The following GREB1L variants were observed in gnomAD, a reference collection of about 807,000 sequenced individuals.
GREB1L encodes GREB1-like protein.
A neutral mutation model predicts 200.8 loss-of-function variants in GREB1L; 17 were observed. The observed-to-expected ratio is 0.08, with a 90% CI of 0.06 to 0.13. The LOEUF (loss-of-function observed/expected upper bound fraction) is 0.13. Ranked by LOEUF, GREB1L falls within the 10% of genes least tolerant of loss-of-function variation. The pLI is 1.00. For missense variants in GREB1L, 1,657 were observed against 2,367.7 expected (o/e 0.70, Z 6.23); for synonymous variants, 789 against 893.0 (o/e 0.88, Z 2.08).
At chr18:21,391,513 G>T (rs1055655137) in intron 4 of GREB1L, among the ~76,000 whole-genome samples, 5 of 152,226 alleles carry the variant, frequency 3.3e-5, no homozygotes, top group Non-Finnish European at 7.3e-5. Flanking sequence ...AGGTGTTAAT[G>T]AGGTCAAAGG....
intron 1 of GREB1L, among the ~76,000 whole-genome samples, chr18:21,359,557 T>C (rs1025371314): frequency 1.3e-5 from 2 of 152,220 alleles, no homozygotes; most frequent in Non-Finnish European, 2.9e-5. Flanking sequence ...AGTGATAATA[T>C]ACATTTTATA....
chr18:21,502,422 A>G (rs1265041602), intron 23 of GREB1L, among the ~76,000 whole-genome samples: 1 of 152,088 alleles, frequency 6.6e-6, no homozygotes, highest in East Asian at 1.9e-4. Flanking sequence ...AGCCCTTGGC[A>G]TCATCTACCA....
chr18:21,395,122 A>AT (rs1491410214), intron 4 of GREB1L, among the ~76,000 whole-genome samples: 17 of 144,350 alleles, frequency 1.2e-4, no homozygotes, highest in Non-Finnish European at 2.4e-4. Flanking sequence ...AAAAAAAAAA[A>AT]GAAAAAAAAA....
rs1418599241 is a variant in GREB1L, at chr18:21,449,633, A to C, written c.1517A>C (p.Gln506Pro). The stretch of plus-strand genomic sequence containing the variant: ...CAGTGTGTCCCTGTGTCACCAGGAC[A>C]ACTCCCCTGGCTTGCTAGATTAATT... The part of the protein sequence containing the change: ...GAQCVPVSPG[Q>P]LPWLARLIAS... The change falls in exon 12 of 33, where the codon CAA becomes CCA. Residue 506 changes from glutamine to proline, a missense_variant. Transcript: ENST00000424526. 1.3e-6 allele frequency: 2 copies of C among 1,551,526 alleles called. No homozygotes were observed. The highest frequency in any genetic ancestry group is 1.7e-6 in the Non-Finnish European group (2 of 1,146,968).
chr18:21,293,030 G>C (rs1001271971), intron 1 of GREB1L, among the ~76,000 whole-genome samples: 1 of 152,222 alleles, frequency 6.6e-6, no homozygotes, highest in Admixed American at 6.5e-5. Context: ...TCACGAAGCA[G>C]GGGCAGTTTA....
At position 21,504,528 on chromosome 18, in the gene GREB1L, CCT is replaced by C. The variant is rs1242019337; in HGVS notation, c.4073-883_4073-882del. On this transcript the variant is annotated intron_variant, in intron 23 of 32. Coordinates refer to ENST00000424526, the MANE Select transcript of GREB1L (RefSeq NM_001142966.3). ...TCTAGCCTGAGTGACAGAGTGAGAC[CCT>C]GTCTCCAAAAACAAAAAGAAAAGGG... Among the ~76,000 whole-genome samples the C allele has an allele frequency of 3.9e-5, 6 of 152,194 alleles. No individual in the cohort carries two copies. The East Asian group carries it at 1.2e-3, about 29-fold the overall frequency.
At chr18:21,411,913 T>C (rs4800660) in intron 7 of GREB1L, among the ~76,000 whole-genome samples, 85,278 of 151,416 alleles carry the variant, frequency 0.56, 26,742 homozygotes, top group African/African-American at 0.86. Flanking sequence ...GGCGCAGTGG[T>C]GGGCGCCTAT....
chr18:21,499,129 T>G (rs1167705733), intron 21 of GREB1L, among the ~76,000 whole-genome samples: 1 of 152,140 alleles, frequency 6.6e-6, no homozygotes, highest in Non-Finnish European at 1.5e-5. Context: ...TGGAAGGGGT[T>G]GCAGTCTGGG....
At chr18:21,250,662 A>G (rs968210946) in intron 1 of GREB1L, among the ~76,000 whole-genome samples, 2 of 152,332 alleles carry the variant, frequency 1.3e-5, no homozygotes. Context: ...TTAAATGGAC[A>G]CTAATATAAG....
At chr18:21,406,875 C>CTTTTT (rs369137235) in intron 7 of GREB1L, among the ~76,000 whole-genome samples, 3 of 131,950 alleles carry the variant, frequency 2.3e-5, no homozygotes, top group African/African-American at 5.7e-5. Context: ...CATTTTCTTC[C>CTTTTT]TTTTTTTTTT....
chr18:21,290,160 T>C (rs1003250535), intron 1 of GREB1L, among the ~76,000 whole-genome samples: 1 of 152,180 alleles, frequency 6.6e-6, no homozygotes, highest in Admixed American at 6.5e-5. Flanking sequence ...AACACCTGCT[T>C]TCATATTCTA....
At chr18:21,276,120 A>C (rs1201973545) in intron 1 of GREB1L, among the ~76,000 whole-genome samples, 7 of 152,202 alleles carry the variant, frequency 4.6e-5, no homozygotes, top group Admixed American at 3.9e-4. Context: ...AGGTTTTTAC[A>C]TGCGAATGCC....
chr18:21,362,978 T>C (rs537529925), intron 1 of GREB1L, among the ~76,000 whole-genome samples: 3 of 152,354 alleles, frequency 2.0e-5, no homozygotes, highest in South Asian at 2.1e-4. Context: ...AATGTCTTTT[T>C]AACCCAAGTT....
Position 21,473,301 on chromosome 18 carries a change from G to A in GREB1L, c.2363+90G>A, listed in dbSNP as rs1598895187. On this transcript the variant is annotated intron_variant, in intron 16 of 32. Coordinates refer to ENST00000424526, the MANE Select transcript of GREB1L (RefSeq NM_001142966.3). ...TATGTTAAAGATGGCCAGGCGCGGT[G>A]GCTCACACCTGTAATCCCAACACTT... 4.0e-6 allele frequency: 4 copies of A among 1,008,764 alleles called. No homozygotes were observed. The East Asian group carries it at 1.2e-4, about 30-fold the overall frequency. The allele number at this position is 1,008,764 out of a possible 1,614,324, so 62.5% of individuals were successfully genotyped here. A position where few individuals can be genotyped will look rare whatever the true frequency, so the allele number is the denominator to read the frequency against.
In GREB1L at chr18:21,300,025, G is replaced by A. The variant is rs79770218; in HGVS notation, c.-120+57632G>A. Among the ~76,000 whole-genome samples, 391 of 152,130 alleles carry A rather than the reference G, an allele frequency of 2.6e-3. 8 individuals are homozygous for A. In the East Asian group the frequency reaches 0.062, roughly 24 times the overall value. On this transcript the variant is annotated intron_variant, in intron 1 of 32. Transcript: ENST00000424526. ...TAAACCTGGAGAAAATCTTTTTAAA[G>A]AATTCCTTAATGCATCGATCAGTAG...
At chr18:21,497,394 G>A (rs1252365322) in intron 21 of GREB1L, among the ~76,000 whole-genome samples, 1 of 152,210 alleles carries the variant, frequency 6.6e-6, no homozygotes, top group Admixed American at 6.5e-5. Flanking sequence ...TGTAATCCTA[G>A]CACTTTGGGA....
chr18:21,331,422 T>C (rs1368811807), intron 1 of GREB1L, among the ~76,000 whole-genome samples: 1 of 152,210 alleles, frequency 6.6e-6, no homozygotes, highest in East Asian at 1.9e-4. Flanking sequence ...TTAATTATGC[T>C]CGTGTGAGAA....
At chr18:21,481,367 G>A (rs2035906086) in intron 17 of GREB1L, among the ~76,000 whole-genome samples, 1 of 151,910 alleles carries the variant, frequency 6.6e-6, no homozygotes, top group South Asian at 2.1e-4. Flanking sequence ...CATGGAGGCT[G>A]TGAGTTTCAG....
At chr18:21,365,546 G>A (rs771130738) in intron 1 of GREB1L, among the ~76,000 whole-genome samples, 7 of 152,090 alleles carry the variant, frequency 4.6e-5, no homozygotes, top group Non-Finnish European at 7.4e-5. Context: ...CTTTCTTACT[G>A]GAAAATTTTC....
Sources: gnomAD v4.1 joint callset for allele counts (sites outside exome capture counted in the v4.1 genomes callset) on GRCh38, gnomAD v4.1.1 for gene constraint, MANE v1.5 for transcripts, NCBI Gene and HGNC (gene_info 2026-07-23, HGNC 2026-07-21) for gene names.